MSRA: variants seen among roughly 807,000 people sequenced by gnomAD.
MSRA encodes the protein methionine sulfoxide reductase A.
In MSRA, 54 loss-of-function variants were observed where a neutral mutation model predicts 31.3. The ratio of observed to expected loss-of-function variants is 1.73; its 90% CI spans 1.39 to 2.17. The LOEUF (loss-of-function observed/expected upper bound fraction) is 2.17. MSRA is among the 30% of genes most tolerant of loss of function. The pLI, the probability that MSRA is intolerant of heterozygous loss-of-function variation, is 0.00. For synonymous variants in MSRA, 169 were observed against 116.5 expected (o/e 1.45, Z -2.90); for missense variants, 507 against 300.9 (o/e 1.69, Z -5.07).
chr8:10,089,848 C>G (rs1020478117), intron 1 of MSRA, among the ~76,000 whole-genome samples: 1 of 152,152 alleles, frequency 6.6e-6, no homozygotes, highest in Non-Finnish European at 1.5e-5. Context: ...TAGAAACAGT[C>G]CCGTTTCATG....
At chr8:10,330,301 A>T (rs966867181) in intron 5 of MSRA, among the ~76,000 whole-genome samples, 2 of 152,122 alleles carry the variant, frequency 1.3e-5, no homozygotes, top group African/African-American at 4.8e-5. Context: ...TCCAGAAAAT[A>T]GTTTTAATTA....
chr8:10,390,818 A>T (rs1179152113), intron 5 of MSRA, among the ~76,000 whole-genome samples: 1 of 151,542 alleles, frequency 6.6e-6, no homozygotes, highest in African/African-American at 2.4e-5. Context: ...TACTAAAAAT[A>T]AAAAAAAATT....
At chr8:10,309,763 T>C (rs554503414) in intron 4 of MSRA, among the ~76,000 whole-genome samples, 1 of 152,138 alleles carries the variant, frequency 6.6e-6, no homozygotes, top group East Asian at 1.9e-4. Context: ...TCTTCTCTAC[T>C]TGGTGTCCTT....
intron 1 of MSRA, among the ~76,000 whole-genome samples, chr8:10,173,653 C>T (rs1172365450): frequency 3.9e-5 from 6 of 152,194 alleles, no homozygotes; most frequent in South Asian, 2.1e-4. Flanking sequence ...GTCTCTTTTC[C>T]GGGCTTGCAG....
chr8:10,236,032 TATG>T (rs1235413685), intron 2 of MSRA, among the ~76,000 whole-genome samples: 1 of 152,144 alleles, frequency 6.6e-6, no homozygotes, highest in East Asian at 1.9e-4. Flanking sequence ...AGGGAGAACA[TATG>T]ATCATCTCAG....
chr8:10,331,781 T>G (rs1802716039), intron 5 of MSRA, among the ~76,000 whole-genome samples: 1 of 152,266 alleles, frequency 6.6e-6, no homozygotes, highest in Admixed American at 6.5e-5. Context: ...TTGTGTACTT[T>G]AAATAATCTC....
rs545849745 is a variant in MSRA, at chr8:10,060,489, G to A, written c.142+5831G>A. 5.9e-5 allele frequency among the ~76,000 whole-genome samples: 9 copies of A among 152,292 alleles called. No individual in the cohort carries two copies. In the South Asian group the frequency reaches 1.2e-3, roughly 21 times the overall value. On this transcript the variant is annotated intron_variant, in intron 1 of 5. Transcript: ENST00000317173. ...GGCTGTGTAATGAGGATGGATGGAA[G>A]ACATAGACTTTTGATGCTTTTTTGT...
intron 1 of MSRA, among the ~76,000 whole-genome samples, chr8:10,170,241 A>G (rs1381162188): frequency 6.6e-6 from 1 of 152,000 alleles, no homozygotes; most frequent in East Asian, 1.9e-4. Context: ...TCATATGTAG[A>G]AACCTAATCT....
chr8:10,119,617 C>G (rs757647247), intron 1 of MSRA, among the ~76,000 whole-genome samples: 1 of 152,202 alleles, frequency 6.6e-6, no homozygotes, highest in Non-Finnish European at 1.5e-5. Context: ...CAAAGAAATG[C>G]TGTGACAAAA....
At chr8:10,292,277 G>T (rs1800278010) in intron 3 of MSRA, among the ~76,000 whole-genome samples, 1 of 152,184 alleles carries the variant, frequency 6.6e-6, no homozygotes, top group African/African-American at 2.4e-5. Context: ...TAAGTGAGTG[G>T]TGGGCAGATG....
At chr8:10,391,912 C>A (rs1411911347) in intron 5 of MSRA, among the ~76,000 whole-genome samples, 1 of 152,200 alleles carries the variant, frequency 6.6e-6, no homozygotes, top group African/African-American at 2.4e-5. Flanking sequence ...CATTTCCTGA[C>A]CTATGGAAGT....
chr8:10,380,519 G>A lies in MSRA; in HGVS notation c.544-47629G>A, dbSNP rs552538586. ...CTGATGGTGTGGCCTCTTTTCCTGGGCAGTTACCCTGGTTAGCCCAAAGTA... is the reference window on the plus strand; with the variant it reads ...CTGATGGTGTGGCCTCTTTTCCTGGACAGTTACCCTGGTTAGCCCAAAGTA... On this transcript the variant is annotated intron_variant, in intron 5 of 5. Transcript: ENST00000317173. 1.2e-4 allele frequency among the ~76,000 whole-genome samples: 18 copies of A among 152,306 alleles called. No homozygotes were observed. The South Asian group carries it at 1.5e-3, about 12-fold the overall frequency.
intron 2 of MSRA, among the ~76,000 whole-genome samples, chr8:10,243,683 A>T (rs1797458581): frequency 6.6e-6 from 1 of 152,218 alleles, no homozygotes; most frequent in Non-Finnish European, 1.5e-5. Context: ...TCACCACTGT[A>T]ATACAGTAGT....
intron 3 of MSRA, among the ~76,000 whole-genome samples, chr8:10,268,363 G>A (rs1798854237): frequency 6.8e-6 from 1 of 146,414 alleles, no homozygotes; most frequent in African/African-American, 2.4e-5. Context: ...GAAGAGTAGA[G>A]GAGATATGGG....
At chr8:10,065,316 C>T (rs187736195) in intron 1 of MSRA, among the ~76,000 whole-genome samples, 3 of 152,322 alleles carry the variant, frequency 2.0e-5, no homozygotes, top group African/African-American at 7.2e-5. Flanking sequence ...GTAGAAACTT[C>T]ACCTGGTGGC....
intron 1 of MSRA, among the ~76,000 whole-genome samples, chr8:10,150,602 C>G (rs1585038387): frequency 6.6e-6 from 1 of 151,736 alleles, no homozygotes; most frequent in Non-Finnish European, 1.5e-5. Context: ...AAACAAACAA[C>G]AAAAAAAAGC....
At chr8:10,213,672 G>A (rs1251442559) in intron 2 of MSRA, among the ~76,000 whole-genome samples, 11 of 151,956 alleles carry the variant, frequency 7.2e-5, no homozygotes, top group South Asian at 4.2e-4. Context: ...TCCTGACCTC[G>A]TGATCTGCCT....
intron 1 of MSRA, among the ~76,000 whole-genome samples, chr8:10,127,755 T>C (rs1400173669): frequency 2.6e-5 from 4 of 152,236 alleles, no homozygotes; most frequent in African/African-American, 9.6e-5. Context: ...GTAGAAGAAA[T>C]AGGTAATTTT....
intron 5 of MSRA, among the ~76,000 whole-genome samples, chr8:10,386,327 C>A (rs917242106): frequency 6.6e-6 from 1 of 152,098 alleles, no homozygotes. Context: ...AGATAATTTT[C>A]TCTGATCAGA....
Sources: allele counts gnomAD v4.1 joint callset (sites outside exome capture counted in the v4.1 genomes callset), GRCh38; gene constraint gnomAD v4.1.1; transcripts MANE v1.5; gene names NCBI Gene and HGNC (gene_info 2026-07-23, HGNC 2026-07-21).